The following CXADR variants were observed in gnomAD, a reference collection of about 807,000 sequenced individuals.
CXADR encodes CXADR cell adhesion molecule.
CXADR carries 20 observed loss-of-function variants against 40.3 expected under a neutral mutation model. The ratio of observed to expected loss-of-function variants is 0.50; its 90% CI spans 0.35 to 0.72. The LOEUF is 0.72. Among genes scored for constraint, CXADR ranks in the 30% least tolerant of loss-of-function variants. The probability of loss-of-function intolerance (pLI) is 0.01; values close to 1 mark genes in which losing one functional copy is unlikely to be tolerated. For synonymous variants in CXADR, 150 were observed against 161.3 expected (o/e 0.93, Z 0.53); for missense variants, 332 against 449.1 (o/e 0.74, Z 2.36).
At chr21:17,589,526 A>C (rs887993630) in intron 7 of CXADR, among the ~76,000 whole-genome samples, 2 of 152,164 alleles carry the variant, frequency 1.3e-5, no homozygotes, top group Admixed American at 6.6e-5. Context: ...GAGAACACTA[A>C]CTACCATTAA....
At chr21:17,561,555 C>T (rs2061122093) in intron 6 of CXADR, 79 bp downstream of exon 6, 1 of 1,227,642 alleles carries the variant, frequency 8.1e-7, no homozygotes. Context: ...TCTTATTAAC[C>T]ACCCAAAGCA....
At chr21:17,556,833 A>G (rs997355215) in intron 3 of CXADR, among the ~76,000 whole-genome samples, 1 of 152,224 alleles carries the variant, frequency 6.6e-6, no homozygotes, top group Non-Finnish European at 1.5e-5. Context: ...TTAAGGAGTT[A>G]CTAAGAAAGA....
the CXADR span, among the ~76,000 whole-genome samples, chr21:17,635,333 T>C: frequency 6.6e-6 from 1 of 152,238 alleles, no homozygotes; most frequent in Non-Finnish European, 1.5e-5. Flanking sequence ...AGCATAATTA[T>C]AAACATCAAA....
downstream of CXADR, among the ~76,000 whole-genome samples, chr21:17,573,575 T>C (rs1198822318): frequency 1.3e-5 from 2 of 152,204 alleles, no homozygotes; most frequent in Non-Finnish European, 2.9e-5. Context: ...TGGGTGACTT[T>C]GTTAACTTCA....
intron 1 of CXADR, among the ~76,000 whole-genome samples, chr21:17,534,360 G>C (rs1159432957): frequency 6.6e-6 from 1 of 151,938 alleles, no homozygotes; most frequent in Non-Finnish European, 1.5e-5. Context: ...CTCCCAAAGT[G>C]CTGGGATTAC....
At chr21:17,627,352 A>C in the CXADR span, among the ~76,000 whole-genome samples, 31 of 152,000 alleles carry the variant, frequency 2.0e-4, no homozygotes, top group Non-Finnish European at 3.8e-4. Context: ...GCAAAACTTC[A>C]CCTCGAAAAA....
the CXADR span, among the ~76,000 whole-genome samples, chr21:17,606,111 G>C: frequency 0.51 from 77,528 of 151,984 alleles, 21,729 homozygotes; most frequent in African/African-American, 0.76. Context: ...ACAATAATAA[G>C]CATTTTAAAA....
At chr21:17,573,302 A>G (rs1171222491), downstream of CXADR, among the ~76,000 whole-genome samples, 1 of 152,178 alleles carries the variant, frequency 6.6e-6, no homozygotes, top group African/African-American at 2.4e-5. Flanking sequence ...CTGAGATTCT[A>G]GGGAATCTGA....
chr21:17,635,798 T>C, the CXADR span, among the ~76,000 whole-genome samples: 1 of 152,224 alleles, frequency 6.6e-6, no homozygotes, highest in East Asian at 1.9e-4. Flanking sequence ...ATTTAAACTT[T>C]AGAGTCAGCT....
chr21:17,586,121 T>C (rs1200391024), intron 7 of CXADR, among the ~76,000 whole-genome samples: 1 of 152,100 alleles, frequency 6.6e-6, no homozygotes, highest in Non-Finnish European at 1.5e-5. Flanking sequence ...GGTCTAAATA[T>C]GGTCTCAATT....
In CXADR at chr21:17,534,196, C is replaced by T. The variant is rs1430286617; in HGVS notation, c.44-12831C>T. ...GATCTTGGCTCACTGCAACCTCTGCCTCCGGGTTTCAAGCGATTCTTCTGC... is the reference window on the plus strand; with the variant it reads ...GATCTTGGCTCACTGCAACCTCTGCTTCCGGGTTTCAAGCGATTCTTCTGC... On this transcript the variant is annotated intron_variant, in intron 1 of 6. Transcript: ENST00000284878. 2.7e-5 allele frequency among the ~76,000 whole-genome samples: 4 copies of T among 145,460 alleles called. No individual in the cohort carries two copies. In the East Asian group the frequency reaches 6.1e-4, roughly 22 times the overall value.
chr21:17,615,998 C>A, the CXADR span, among the ~76,000 whole-genome samples: 17 of 152,174 alleles, frequency 1.1e-4, no homozygotes. Context: ...CGCCTGTAAT[C>A]CCAGAACTTT....
At chr21:17,594,201 T>A (rs2061472626), downstream of CXADR, 2 of 1,613,232 alleles carry the variant, frequency 1.2e-6, no homozygotes, top group Non-Finnish European at 1.7e-6. Flanking sequence ...TATTTTTTCT[T>A]CCCTGATTTG....
intron 3 of CXADR, among the ~76,000 whole-genome samples, chr21:17,556,265 G>A (rs2061034254): frequency 6.6e-6 from 1 of 152,186 alleles, no homozygotes; most frequent in African/African-American, 2.4e-5. Context: ...GTAGTGTAAT[G>A]GTTGGATGTT....
downstream of CXADR, chr21:17,593,990 C>T: frequency 7.4e-7 from 1 of 1,347,412 alleles, no homozygotes; most frequent in Non-Finnish European, 1.0e-6. Context: ...TGGTTTGGCC[C>T]ATCTAACTTC....
At chr21:17,613,064 C>T in the CXADR span, 1 of 151,942 alleles carries the variant, frequency 6.6e-6, no homozygotes, top group Non-Finnish European at 1.5e-5. Flanking sequence ...CCGGGCCTAG[C>T]CGCACGGGAG....
At chr21:17,622,740 T>C in the CXADR span, among the ~76,000 whole-genome samples, 1 of 152,216 alleles carries the variant, frequency 6.6e-6, no homozygotes. Flanking sequence ...TTGTTTGTAA[T>C]TGTAGACTTG....
At chr21:17,562,833 C>T (rs2061143364) in intron 6 of CXADR, among the ~76,000 whole-genome samples, 1 of 152,224 alleles carries the variant, frequency 6.6e-6, no homozygotes, top group South Asian at 2.1e-4. Context: ...TAACCAGCCT[C>T]TGTTAGCTTC....
intron 1 of CXADR, among the ~76,000 whole-genome samples, chr21:17,542,441 G>A (rs909445995): frequency 6.6e-6 from 1 of 152,066 alleles, no homozygotes; most frequent in Non-Finnish European, 1.5e-5. Context: ...TGACATCAAG[G>A]GCTAAAAAAA....
Sources: gnomAD v4.1 joint callset for allele counts (sites outside exome capture counted in the v4.1 genomes callset) on GRCh38, gnomAD v4.1.1 for gene constraint, MANE v1.5 for transcripts, NCBI Gene and HGNC (gene_info 2026-07-23, HGNC 2026-07-21) for gene names.